IFIH1: variants seen among roughly 807,000 people sequenced by gnomAD.
The protein encoded by IFIH1 is interferon-induced helicase C domain-containing protein 1.
Under a neutral mutation model 107.4 loss-of-function variants are expected in IFIH1, and 125 were observed. The ratio of observed to expected loss-of-function variants is 1.16; its 90% CI spans 1.01 to 1.35. The LOEUF is 1.35. IFIH1 is among the 40% of genes most tolerant of loss of function. The probability of loss-of-function intolerance (pLI) is 0.00; values close to 1 mark genes in which losing one functional copy is unlikely to be tolerated. For synonymous variants in IFIH1, 458 were observed against 413.2 expected (o/e 1.11, Z -1.31); for missense variants, 1,333 against 1,213.7 (o/e 1.10, Z -1.46).
At chr2:162,293,383 A>C (rs954701705) in intron 4 of IFIH1, among the ~76,000 whole-genome samples, 181 bp downstream of exon 4, 2 of 141,778 alleles carry the variant, frequency 1.4e-5, no homozygotes, top group Non-Finnish European at 2.9e-5. Context: ...TTTGGTTCTA[A>C]GAGTTTGTAA....
At chr2:162,301,000 T>A (rs1434167130) in intron 3 of IFIH1, among the ~76,000 whole-genome samples, 2 of 152,146 alleles carry the variant, frequency 1.3e-5, no homozygotes, top group African/African-American at 2.4e-5. Flanking sequence ...AAAAGTGCTA[T>A]AACAGATTGG....
At chr2:162,316,263 A>G (rs948571091) in intron 1 of IFIH1, among the ~76,000 whole-genome samples, 1 of 152,160 alleles carries the variant, frequency 6.6e-6, no homozygotes, top group Non-Finnish European at 1.5e-5. Context: ...TTGCTTCTGG[A>G]CTTCTAACAG....
At chr2:162,317,559 T>C (rs915800825) in intron 1 of IFIH1, among the ~76,000 whole-genome samples, 14 of 152,234 alleles carry the variant, frequency 9.2e-5, no homozygotes, top group Admixed American at 6.5e-4. Flanking sequence ...ACTGTAGTAA[T>C]ACATTTTGAA....
Position 162,318,251 on chromosome 2 carries a change from C to G in IFIH1, c.57G>C (p.Arg19Ser). Residue 19 changes from arginine (R) to serine (S), a missense_variant, in exon 1 of 16, where the codon AGG becomes AGC. By Grantham distance (110) the Arg-to-Ser change is moderately radical (BLOSUM62 -1). Transcript: ENST00000649979. Reference sequence around the variant, plus strand: ...CCTGGATGTACATTTTCACCCTGGCCCTGAAGCACGAGATGAGATAGCGGA... The same window carrying G: ...CCTGGATGTACATTTTCACCCTGGCGCTGAAGCACGAGATGAGATAGCGGA... The part of the protein sequence containing the change: ...ENFRYLISCF[R>S]ARVKMYIQVE... The G allele has an allele frequency of 6.2e-7, 1 of 1,614,082 alleles. No homozygotes were observed. The highest frequency in any genetic ancestry group is 8.5e-7 in the Non-Finnish European group (1 of 1,180,020).
intron 3 of IFIH1, among the ~76,000 whole-genome samples, chr2:162,302,217 T>TAA (rs1683205568): frequency 6.6e-6 from 1 of 152,108 alleles, no homozygotes; most frequent in South Asian, 2.1e-4. Context: ...TAAAAGGTGC[T>TAA]AAAACACACA....
chr2:162,281,393 G>A lies in IFIH1; in HGVS notation c.1459C>T (p.Leu487=), dbSNP rs1471624065. 2.5e-6 allele frequency: 4 copies of A among 1,612,832 alleles called. No homozygotes were observed. In the South Asian group the frequency reaches 3.3e-5, roughly 13 times the overall value. The stretch of plus-strand genomic sequence containing the variant: ...CCTCCAACACCAGGTGAAGCTGTTA[G>A]TCCCAGTATCTGAGGAAGGGGAATC... ...PVIPLPQILG[L]TASPGVGGAT... Residue 487 remains leucine, a synonymous_variant, in exon 7 of 16, where the codon CTA becomes TTA. Coordinates refer to ENST00000649979, the MANE Select transcript of IFIH1 (RefSeq NM_022168.4).
intron 4 of IFIH1, among the ~76,000 whole-genome samples, chr2:162,289,699 A>G (rs1682963163): frequency 6.6e-6 from 1 of 151,918 alleles, no homozygotes; most frequent in Admixed American, 6.6e-5. Flanking sequence ...ACCAAATACC[A>G]CTTAGGATCA....
chr2:162,317,994 G>A lies in IFIH1; in HGVS notation c.314C>T (p.Pro105Leu), dbSNP rs375750292. The stretch of plus-strand genomic sequence containing the variant: ...TTCATCATGAGCGTTCTCAAACGAT[G>A]GAGAGGGCAAGTCCGTGAGCTCAGG... ...MNPELTDLPS[P>L]SFENAHDEYL... Residue 105 changes from proline (P) to leucine (L), a missense_variant, in exon 1 of 16, where the codon CCA becomes CTA. Physicochemically the swap from Pro to Leu is moderately conservative, Grantham distance 98. Coordinates refer to ENST00000649979, the MANE Select transcript of IFIH1 (RefSeq NM_022168.4). The A allele has an allele frequency of 1.2e-6, 2 of 1,614,192 alleles. No homozygotes were observed. The highest frequency in any genetic ancestry group is 8.5e-7 in the Non-Finnish European group (1 of 1,180,042).
chr2:162,307,022 A>G, intron 2 of IFIH1, 167 bp from the exon 3 acceptor site: 2 of 564,648 alleles, frequency 3.5e-6, no homozygotes, highest in East Asian at 5.8e-5. Flanking sequence ...TTGTATTGCA[A>G]TGCAAGATTT....
At chr2:162,278,119 A>AT in intron 9 of IFIH1, 86 bp downstream of exon 9, 6 of 1,205,212 alleles carry the variant, frequency 5.0e-6, no homozygotes, top group Admixed American at 2.4e-5. Context: ...TTTGCTTTCC[A>AT]TTTTTTGGGG....
At chr2:162,317,189 T>C (rs1475410730) in intron 1 of IFIH1, among the ~76,000 whole-genome samples, 5 of 152,140 alleles carry the variant, frequency 3.3e-5, no homozygotes, top group African/African-American at 1.2e-4. Flanking sequence ...TCCAATTGCC[T>C]TTGGAGTAGA....
At chr2:162,288,058 A>G in intron 5 of IFIH1, 77 bp downstream of exon 5, 1 of 897,116 alleles carries the variant, frequency 1.1e-6, no homozygotes. Context: ...TGAGTCAATG[A>G]CACAAATGCC....
rs1285352063 is a variant in IFIH1, at chr2:162,314,411, CTTTCT to C, written c.453+3439_453+3443del. ...CCCTCCCTCCCTCCTTTCTTTCTTT[CTTTCT>C]TTTCTTTCTTTCTTTCTTTCTTTCT... On this transcript the variant is annotated intron_variant, in intron 1 of 15. Coordinates refer to ENST00000649979, the MANE Select transcript of IFIH1 (RefSeq NM_022168.4). Among the ~76,000 whole-genome samples, 20 of 61,092 alleles carry C rather than the reference CTTTCT, an allele frequency of 3.3e-4. 1 individual carries two copies. The highest frequency in any genetic ancestry group is 1.1e-3 in the African/African-American group (10 of 8,834). The allele number at this position is 61,092 out of a possible 152,430, so 40.1% of individuals were successfully genotyped here.
chr2:162,277,695 T>A lies in IFIH1; in HGVS notation c.1766-2A>T. The A allele has an allele frequency of 6.3e-7, 1 of 1,598,738 alleles. No homozygotes were observed. Among genetic ancestry groups the A allele is most frequent in the Middle Eastern group, 1.7e-4 (1 of 5,958 alleles). On this transcript the variant is annotated splice_acceptor_variant, in intron 9 of 15. Transcript: ENST00000649979. LOFTEE classifies it high-confidence loss of function. ...CTTTGCGATTTCCTTCTTTTGCAGCTGTGAAAAAATATATTATGTAAGTGA... is the reference window on the plus strand; with the variant it reads ...CTTTGCGATTTCCTTCTTTTGCAGCAGTGAAAAAATATATTATGTAAGTGA...
intron 2 of IFIH1, chr2:162,310,378 T>A (rs1157401556): frequency 3.5e-6 from 1 of 284,114 alleles, no homozygotes; most frequent in Non-Finnish European, 6.5e-6. Context: ...ATCAAATGCT[T>A]AATACATTGC....
intron 2 of IFIH1, among the ~76,000 whole-genome samples, chr2:162,309,583 T>A (rs972740117): frequency 2.0e-5 from 3 of 152,208 alleles, no homozygotes; most frequent in African/African-American, 7.2e-5. Context: ...GAAGTGTATT[T>A]GCTGGTATAA....
At chr2:162,317,325 A>T (rs1226656958) in intron 1 of IFIH1, among the ~76,000 whole-genome samples, 1 of 152,200 alleles carries the variant, frequency 6.6e-6, no homozygotes. Flanking sequence ...TGAAAAAAAC[A>T]GTAGCAGGCT....
At chr2:162,281,621 T>G (rs749970525) in intron 6 of IFIH1, 76 bp from the exon 7 acceptor site, 13 of 1,077,942 alleles carry the variant, frequency 1.2e-5, no homozygotes, top group Admixed American at 2.2e-5. Context: ...GACCAGTAAT[T>G]GAGCTGCCTT....
chr2:162,289,281 C>T (rs192999628), intron 4 of IFIH1, among the ~76,000 whole-genome samples: 35 of 151,482 alleles, frequency 2.3e-4, no homozygotes, highest in African/African-American at 7.2e-4. Flanking sequence ...TAAGTTCTAA[C>T]ATAAACTTTA....
Sources: allele counts gnomAD v4.1 joint callset (sites outside exome capture counted in the v4.1 genomes callset), GRCh38; gene constraint gnomAD v4.1.1; transcripts MANE v1.5; gene names NCBI Gene and HGNC (gene_info 2026-07-23, HGNC 2026-07-21).